HAL: variants seen among roughly 807,000 people sequenced by gnomAD.
HAL encodes histidine ammonia-lyase.
A neutral mutation model predicts 81.1 loss-of-function variants in HAL; 85 were observed. The observed-to-expected ratio is 1.05, with a 90% CI of 0.88 to 1.25. The LOEUF is 1.25. Among genes scored for constraint, HAL ranks in the 50% most tolerant of loss-of-function variants. The probability of loss-of-function intolerance (pLI) is 0.00; values close to 1 mark genes in which losing one functional copy is unlikely to be tolerated. For synonymous variants in HAL, 301 were observed against 309.2 expected, an observed-to-expected ratio of 0.97 and a Z score of 0.28; for missense variants, 798 against 836.6, an observed-to-expected ratio of 0.95 and a Z score of 0.57.
chr12:95,990,252 T>G, intron 10 of HAL, 141 bp downstream of exon 10: 1 of 767,388 alleles, frequency 1.3e-6, no homozygotes, highest in Non-Finnish European at 2.3e-6. Flanking sequence ...TTCTAAGCTT[T>G]CGCTGTCTCA....
intron 15 of HAL, among the ~76,000 whole-genome samples, chr12:95,981,551 C>T (rs558939916): frequency 2.0e-5 from 3 of 152,318 alleles, no homozygotes; most frequent in East Asian, 1.9e-4. Context: ...CTCTGCCTCC[C>T]GGGTTCAAGT....
At chr12:95,987,300 A>G (rs1592845811) in intron 11 of HAL, 86 bp from the exon 12 acceptor site, 1 of 1,136,096 alleles carries the variant, frequency 8.8e-7, no homozygotes, top group Admixed American at 1.7e-5. Flanking sequence ...TGCTTTCATA[A>G]GAGAAAAATT....
chr12:95,980,096 C>A (rs949550973), intron 17 of HAL, among the ~76,000 whole-genome samples: 1 of 152,094 alleles, frequency 6.6e-6, no homozygotes, highest in Non-Finnish European at 1.5e-5. Context: ...GTTGCAATAA[C>A]ATCTTTATGT....
At chr12:95,975,637 G>C (rs1334440486) in intron 20 of HAL, among the ~76,000 whole-genome samples, 1 of 152,106 alleles carries the variant, frequency 6.6e-6, no homozygotes, top group Non-Finnish European at 1.5e-5. Flanking sequence ...CTTAGCAAAT[G>C]AATACTCTTA....
Position 95,974,181 on chromosome 12 carries a change from C to T in HAL, c.*51G>A. 1 of 1,545,200 alleles carries T rather than the reference C, an allele frequency of 6.5e-7. No homozygotes were observed. The highest frequency in any genetic ancestry group is 9.0e-7 in the Non-Finnish European group (1 of 1,117,160). Reference sequence around the variant, plus strand: ...AGGTCTCTCCTTCAGCCTAGTATTGCTTTGTGCTAAACTGACTGCCCTCTC... The same window carrying T: ...AGGTCTCTCCTTCAGCCTAGTATTGTTTTGTGCTAAACTGACTGCCCTCTC... On this transcript the variant is annotated 3_prime_UTR_variant, in exon 21 of 21. Transcript: ENST00000261208.
rs769750525 is a variant in HAL, at chr12:95,995,775, T to G, written c.136A>C (p.Thr46Pro). 67 of 1,613,532 alleles carry G rather than the reference T, an allele frequency of 4.2e-5. No individual in the cohort carries two copies. Among genetic ancestry groups the G allele is most frequent in the Non-Finnish European group, 5.4e-5 (64 of 1,180,024 alleles). Residue 46 changes from threonine (T) to proline (P), a missense_variant, in exon 2 of 21, where the codon ACC becomes CCC. By Grantham distance (38) the Thr-to-Pro change is conservative. Transcript: ENST00000261208. ...IKNKPDNGGF[T>P]SVDDAHFLVR... Reference sequence around the variant, plus strand: ...AGGAAGTGCGCGTCATCCACGGAGGTGAAGCCACCATTGTCGGGCTTATTC... The same window carrying G: ...AGGAAGTGCGCGTCATCCACGGAGGGGAAGCCACCATTGTCGGGCTTATTC...
chr12:95,991,575 AAG>A (rs1216988707), intron 9 of HAL, among the ~76,000 whole-genome samples: 11 of 152,214 alleles, frequency 7.2e-5, no homozygotes, highest in African/African-American at 2.7e-4. Context: ...GTTACCAAAA[AAG>A]AGGCTTCATT....
At position 95,994,073 on chromosome 12, in the gene HAL, CCCCT is replaced by C; in HGVS notation, c.411+13_411+16del. 6.2e-7 allele frequency: 1 copy of C among 1,605,250 alleles called. No homozygotes were observed. ...ACAAAAATGGCCAGAGGACATCTTT[CCCCT>C]CCCTCCCCATACCTTTATTTTGTAG... On this transcript the variant is annotated intron_variant, in intron 5 of 20. Coordinates refer to ENST00000261208, the MANE Select transcript of HAL (RefSeq NM_002108.4).
At position 95,973,231 on chromosome 12, in the gene HAL, C is replaced by T. The variant is rs1358721304; in HGVS notation, c.*1001G>A. On this transcript the variant is annotated 3_prime_UTR_variant, in exon 21 of 21. Transcript: ENST00000261208. ...GTCACAGAGCTTAGACTTGGGAAGC[C>T]AAGAGGTCATGTGACCCATCCTTCA... 15 of 152,106 alleles carry T rather than the reference C, an allele frequency of 9.9e-5. No homozygotes were observed. The highest frequency in any genetic ancestry group is 9.8e-4 in the Admixed American group (15 of 15,264). 9.4% of individuals were successfully genotyped at this position (152,106 alleles called of 1,614,324 possible).
intron 9 of HAL, among the ~76,000 whole-genome samples, chr12:95,991,246 GT>G (rs3214368): frequency 0.17 from 25,973 of 151,216 alleles, 2,600 homozygotes; most frequent in African/African-American, 0.29. Context: ...GGAACTAGCT[GT>G]TTTTTTTTGT....
chr12:95,987,200 G>A lies in HAL; in HGVS notation c.918C>T (p.Ile306=). 6.2e-7 allele frequency: 1 copy of A among 1,613,918 alleles called. No individual in the cohort carries two copies. Among genetic ancestry groups the A allele is most frequent in the Non-Finnish European group, 8.5e-7 (1 of 1,179,776 alleles). ...GGGATGTGATCATCTGCGTCCCATT[G>A]ATGAGTGCCAGGCCCTGTCGGGGGA... ...ILKPKEGLAL[I]NGTQMITSLG... is the part of the protein sequence containing the mutation. Residue 306 remains isoleucine (I), a synonymous_variant, in exon 12 of 21, where the codon ATC becomes ATT. Coordinates refer to ENST00000261208, the MANE Select transcript of HAL (RefSeq NM_002108.4).
chr12:95,992,630 G>T (rs762115667), intron 9 of HAL, 50 bp downstream of exon 9: 6 of 1,525,370 alleles, frequency 3.9e-6, no homozygotes, highest in Non-Finnish European at 5.4e-6. Context: ...CTACCCTGTG[G>T]TACATGTCCA....
chr12:95,973,748 G>A lies in HAL; in HGVS notation c.*484C>T, dbSNP rs1038164487. ...TGACTTAAAATGGTTATTTATGAAGGCATATTAAGGCATATCATGCAAAGT... is the reference window on the plus strand; with the variant it reads ...TGACTTAAAATGGTTATTTATGAAGACATATTAAGGCATATCATGCAAAGT... On this transcript the variant is annotated 3_prime_UTR_variant, in exon 21 of 21. Coordinates refer to ENST00000261208, the MANE Select transcript of HAL (RefSeq NM_002108.4). 6.3e-6 allele frequency: 1 copy of A among 159,362 alleles called. No individual in the cohort carries two copies. Among genetic ancestry groups the A allele is most frequent in the Non-Finnish European group, 1.4e-5 (1 of 72,586 alleles). The allele number at this position is 159,362 out of a possible 1,614,324, so 9.9% of individuals were successfully genotyped here. A position where few individuals can be genotyped will look rare whatever the true frequency, so the allele number is the denominator to read the frequency against.
intron 11 of HAL, 72 bp from the exon 12 acceptor site, chr12:95,987,286 C>A: frequency 2.3e-6 from 3 of 1,322,502 alleles, no homozygotes; most frequent in Non-Finnish European, 3.3e-6. Context: ...GATTTTGTAT[C>A]TTTTGCTTTC....
Position 95,995,753 on chromosome 12 carries a change from A to G in HAL, c.158T>C (p.Phe53Ser). The G allele has an allele frequency of 6.2e-7, 1 of 1,613,636 alleles. No homozygotes were observed. Residue 53 changes from phenylalanine (F) to serine (S), a missense_variant, in exon 2 of 21, where the codon TTC (phenylalanine) becomes TCC (serine). Physicochemically the swap from Phe to Ser is radical, Grantham distance 155. Transcript: ENST00000261208. Reference protein sequence around the residue: ...GGFTSVDDAHFLVRRCKGLGL... With the variant: ...GGFTSVDDAHSLVRRCKGLGL... ...CAGGCCCTTGCACCGGCGCACAAGGAAGTGCGCGTCATCCACGGAGGTGAA... is the reference window on the plus strand; with the variant it reads ...CAGGCCCTTGCACCGGCGCACAAGGGAGTGCGCGTCATCCACGGAGGTGAA...
At chr12:95,986,484 C>G in intron 12 of HAL, among the ~76,000 whole-genome samples, 1 of 152,108 alleles carries the variant, frequency 6.6e-6, no homozygotes, top group East Asian at 1.9e-4. Flanking sequence ...GACTTGACTC[C>G]TTCTACTTTA....
intron 20 of HAL, among the ~76,000 whole-genome samples, chr12:95,974,798 A>C (rs964069943): frequency 6.6e-6 from 1 of 151,972 alleles, no homozygotes. Context: ...GGAGTGCAGT[A>C]GCATGATCTC....
At chr12:95,988,841 A>C (rs1021122877) in intron 10 of HAL, among the ~76,000 whole-genome samples, 1 of 152,162 alleles carries the variant, frequency 6.6e-6, no homozygotes, top group Non-Finnish European at 1.5e-5. Flanking sequence ...AAAGAAGTAG[A>C]GAGTCATTAA....
Position 95,978,019 on chromosome 12 carries a change from C to T in HAL, c.1579G>A (p.Ala527Thr). The T allele has an allele frequency of 1.2e-6, 2 of 1,612,958 alleles. No homozygotes were observed. Among genetic ancestry groups the T allele is most frequent in the South Asian group, 2.2e-5 (2 of 91,056 alleles). Residue 527 changes from alanine (A) to threonine (T), a missense_variant, in exon 18 of 21, where the codon GCC becomes ACC. Ala to Thr is a moderately conservative substitution (Grantham distance 58). Transcript: ENST00000261208. ...CCCATGGAGACGTGGTCCTCCGTGG[C>T]TGCGCTGGTGGAGAGGGAGTCAACA... ...SSVDSLSTSA[A>T]TEDHVSMGGW...
Sources: gnomAD v4.1 joint callset for allele counts (sites outside exome capture counted in the v4.1 genomes callset) on GRCh38, gnomAD v4.1.1 for gene constraint, MANE v1.5 for transcripts, NCBI Gene and HGNC (gene_info 2026-07-23, HGNC 2026-07-21) for gene names.